The following POTEC variants were observed in gnomAD, a reference collection of about 807,000 sequenced individuals.
POTEC encodes ANKRD26-like family B member 2.
POTEC carries 35 observed loss-of-function variants against 62.0 expected under a neutral mutation model. The ratio of observed to expected loss-of-function variants is 0.56; its 90% CI spans 0.43 to 0.75. The LOEUF is 0.75. POTEC is among the 30% of genes least tolerant of loss of function. The probability of loss-of-function intolerance (pLI) is 0.00; values close to 1 mark genes in which losing one functional copy is unlikely to be tolerated. For synonymous variants in POTEC, 156 were observed against 221.5 expected (o/e 0.70, Z 2.62); for missense variants, 472 against 655.9 (o/e 0.72, Z 3.06).
chr18:14,524,063 G>A (rs1034847945), intron 7 of POTEC, among the ~76,000 whole-genome samples: 5 of 152,070 alleles, frequency 3.3e-5, no homozygotes, highest in African/African-American at 1.2e-4. Flanking sequence ...AATTTTAATT[G>A]AAATTATATG....
At chr18:14,523,610 T>C (rs1910362419) in intron 7 of POTEC, 103 bp from the exon 8 acceptor site, 3 of 477,882 alleles carry the variant, frequency 6.3e-6, no homozygotes, top group Non-Finnish European at 1.0e-5. Flanking sequence ...AGTAATCAAG[T>C]ATGGACATGA....
At chr18:14,540,847 G>C (rs1380537404) in intron 1 of POTEC, among the ~76,000 whole-genome samples, 1 of 151,992 alleles carries the variant, frequency 6.6e-6, no homozygotes, top group Non-Finnish European at 1.5e-5. Context: ...AAACTTTGTG[G>C]ACAGAAAACA....
At chr18:14,538,391 T>A (rs1223992115) in intron 1 of POTEC, 142 bp from the exon 2 acceptor site, 3 of 627,720 alleles carry the variant, frequency 4.8e-6, no homozygotes, top group Non-Finnish European at 8.5e-6. Context: ...GCACACTACT[T>A]ATTACCTCTC....
At chr18:14,532,645 C>T (rs1214572642) in intron 5 of POTEC, among the ~76,000 whole-genome samples, 1 of 152,060 alleles carries the variant, frequency 6.6e-6, no homozygotes, top group Non-Finnish European at 1.5e-5. Context: ...TTTAGTGAAC[C>T]CCTTTGGTTC....
intron 10 of POTEC, among the ~76,000 whole-genome samples, chr18:14,512,361 G>A (rs7505261): frequency 1.4e-4 from 21 of 152,138 alleles, no homozygotes; most frequent in African/African-American, 5.1e-4. Context: ...CATCATAAGA[G>A]CCTTAGCTAT....
intron 9 of POTEC, among the ~76,000 whole-genome samples, chr18:14,518,801 T>C (rs1408104357): frequency 1.4e-5 from 2 of 148,108 alleles, no homozygotes; most frequent in Admixed American, 6.8e-5. Flanking sequence ...CTGGCATCTT[T>C]AAGCACTAGG....
At chr18:14,514,447 C>A (rs1343780644) in intron 9 of POTEC, among the ~76,000 whole-genome samples, 1 of 152,158 alleles carries the variant, frequency 6.6e-6, no homozygotes, top group Non-Finnish European at 1.5e-5. Context: ...GGATTGGAAA[C>A]CCCTGTGTCA....
Position 14,512,008 on chromosome 18 carries a change from G to T in POTEC, c.1534-15C>A, listed in dbSNP as rs760149236. 20 of 1,592,030 alleles carry T rather than the reference G, an allele frequency of 1.3e-5. No homozygotes were observed. The highest frequency in any genetic ancestry group is 1.6e-5 in the Non-Finnish European group (19 of 1,166,094). On this transcript the variant is annotated splice_polypyrimidine_tract_variant and intron_variant, in intron 10 of 10. Coordinates refer to ENST00000358970, the MANE Select transcript of POTEC (RefSeq NM_001137671.2). Reference sequence around the variant, plus strand: ...CTAAGAGAAAGCTAAGTAAACAAAGGGAACTTTTAGTTAGCACTCAATAGA... The same window carrying T: ...CTAAGAGAAAGCTAAGTAAACAAAGTGAACTTTTAGTTAGCACTCAATAGA...
In POTEC at chr18:14,507,392, G is replaced by A. The variant is rs1470714375; in HGVS notation, c.*4506C>T. On this transcript the variant is annotated 3_prime_UTR_variant, in exon 11 of 11. Transcript: ENST00000358970. ...TAGTCTGTTTTGTCAGAAACTAGGA[G>A]TGCAACACCTGCTTTTTTCTGTTTT... The A allele has an allele frequency of 6.6e-6, 1 of 150,888 alleles. No homozygotes were observed. The highest frequency in any genetic ancestry group is 2.4e-5 in the African/African-American group (1 of 41,000). 9.3% of individuals were successfully genotyped at this position (150,888 alleles called of 1,614,324 possible).
chr18:14,539,703 T>C (rs1009008362), intron 1 of POTEC, among the ~76,000 whole-genome samples: 6 of 151,822 alleles, frequency 4.0e-5, no homozygotes, highest in Non-Finnish European at 8.8e-5. Flanking sequence ...CCAAGCCTTA[T>C]ACATTTTCAA....
chr18:14,513,536 T>TAAAC (rs1555622702), intron 10 of POTEC, 126 bp downstream of exon 10: 3 of 1,181,274 alleles, frequency 2.5e-6, no homozygotes, highest in Non-Finnish European at 3.5e-6. Flanking sequence ...TTTACATATA[T>TAAAC]ACACACACAC....
At chr18:14,519,181 C>A (rs1228010332) in intron 9 of POTEC, among the ~76,000 whole-genome samples, 1 of 151,962 alleles carries the variant, frequency 6.6e-6, no homozygotes, top group African/African-American at 2.4e-5. Context: ...AAGAATGACA[C>A]CAAGATTTTT....
chr18:14,525,497 C>T (rs1336700743), intron 6 of POTEC, among the ~76,000 whole-genome samples: 2 of 151,770 alleles, frequency 1.3e-5, no homozygotes, highest in Non-Finnish European at 2.9e-5. Flanking sequence ...CATCTCCCCT[C>T]CCCCTCAGCA....
chr18:14,507,712 G>C lies in POTEC; in HGVS notation c.*4186C>G, dbSNP rs1909883254. 6.6e-6 allele frequency: 1 copy of C among 152,148 alleles called. No individual in the cohort carries two copies. Among genetic ancestry groups the C allele is most frequent in the Non-Finnish European group, 1.5e-5 (1 of 68,038 alleles). The allele number at this position is 152,148 out of a possible 1,614,324, so 9.4% of individuals were successfully genotyped here. A position where few individuals can be genotyped will look rare whatever the true frequency, so the allele number is the denominator to read the frequency against. On this transcript the variant is annotated 3_prime_UTR_variant, in exon 11 of 11. Coordinates refer to ENST00000358970, the MANE Select transcript of POTEC (RefSeq NM_001137671.2). ...CTTCAGTGTGTTTTTGTAGTGGCTG[G>C]TGGTGGTCTTTTCTTTCCATATTTA...
chr18:14,524,461 A>G (rs1293069502), intron 7 of POTEC, among the ~76,000 whole-genome samples: 1 of 152,136 alleles, frequency 6.6e-6, no homozygotes, highest in Non-Finnish European at 1.5e-5. Context: ...TCAGTGTTAC[A>G]TTGTTCATAG....
intron 1 of POTEC, among the ~76,000 whole-genome samples, chr18:14,540,653 T>C (rs893427801): frequency 6.6e-6 from 1 of 152,214 alleles, no homozygotes; most frequent in Non-Finnish European, 1.5e-5. Context: ...ATGGCTATTT[T>C]AAGCAATACT....
At chr18:14,513,039 G>A (rs1372929863) in intron 10 of POTEC, among the ~76,000 whole-genome samples, 1 of 152,210 alleles carries the variant, frequency 6.6e-6, no homozygotes, top group Non-Finnish European at 1.5e-5. Context: ...AGTAGTAAGT[G>A]TGAAATAGGG....
In POTEC at chr18:14,523,306, A is replaced by G. The variant is rs1389005861; in HGVS notation, c.1242+157T>C. Among the ~76,000 whole-genome samples, 3 of 150,752 alleles carry G rather than the reference A, an allele frequency of 2.0e-5. No individual in the cohort carries two copies. The Admixed American group carries it at 2.0e-4, about 10-fold the overall frequency. ...AGGGTTTGTATCTCTTGAAAACTCA[A>G]TGTACAGAACTCTTTCTGAGTCAAA... is the stretch of plus-strand genomic sequence containing the variant. On this transcript the variant is annotated intron_variant, in intron 8 of 10. Coordinates refer to ENST00000358970, the MANE Select transcript of POTEC (RefSeq NM_001137671.2).
At chr18:14,520,065 A>C (rs1344730257) in intron 9 of POTEC, among the ~76,000 whole-genome samples, 5 of 152,198 alleles carry the variant, frequency 3.3e-5, no homozygotes, top group Admixed American at 6.5e-5. Context: ...TCAAGAGTGA[A>C]TGAAAAAAAA....
Sources: gnomAD v4.1 joint callset for allele counts (sites outside exome capture counted in the v4.1 genomes callset) on GRCh38, gnomAD v4.1.1 for gene constraint, MANE v1.5 for transcripts, NCBI Gene and HGNC (gene_info 2026-07-23, HGNC 2026-07-21) for gene names.